LDLRAD3: variants seen among roughly 807,000 people sequenced by gnomAD.
LDLRAD3 encodes the protein low-density lipoprotein receptor class A domain-containing protein 3.
A neutral mutation model predicts 29.4 loss-of-function variants in LDLRAD3; 20 were observed. The ratio of observed to expected loss-of-function variants is 0.68; its 90% CI spans 0.48 to 0.99. The LOEUF is 0.99. LDLRAD3 is among the 50% of genes least tolerant of loss of function. The probability of loss-of-function intolerance (pLI) is 0.00; values close to 1 mark genes in which losing one functional copy is unlikely to be tolerated. For missense variants in LDLRAD3, 420 were observed against 454.3 expected (o/e 0.92, Z 0.69); for synonymous variants, 157 against 192.7 (o/e 0.81, Z 1.53).
intron 1 of LDLRAD3, among the ~76,000 whole-genome samples, chr11:35,981,871 G>T (rs1851546788): frequency 6.6e-6 from 1 of 152,186 alleles, no homozygotes; most frequent in Admixed American, 6.5e-5. Context: ...TGTTAGAAAA[G>T]CTGTATTTTC....
At position 35,947,985 on chromosome 11, in the gene LDLRAD3, A is replaced by G. The variant is rs181517203; in HGVS notation, c.46+3841A>G. 5.3e-5 allele frequency among the ~76,000 whole-genome samples: 8 copies of G among 152,268 alleles called. 1 individual carries two copies. The South Asian group carries it at 1.7e-3, about 32-fold the overall frequency. Reference sequence around the variant, plus strand: ...TGTTCATGGTAAATACATAAAATACATCTCAATCCTTATGTGAAGATGAAA... The same window carrying G: ...TGTTCATGGTAAATACATAAAATACGTCTCAATCCTTATGTGAAGATGAAA... On this transcript the variant is annotated intron_variant, in intron 1 of 5. Coordinates refer to ENST00000315571, the MANE Select transcript of LDLRAD3 (RefSeq NM_174902.4).
At chr11:36,080,748 G>T (rs556721101) in intron 2 of LDLRAD3, among the ~76,000 whole-genome samples, 1 of 152,274 alleles carries the variant, frequency 6.6e-6, no homozygotes, top group East Asian at 1.9e-4. Flanking sequence ...ACAGGTAAAA[G>T]ACGAATGGAA....
intron 2 of LDLRAD3, among the ~76,000 whole-genome samples, chr11:36,068,698 A>G (rs1227692664): frequency 6.6e-6 from 1 of 152,100 alleles, no homozygotes; most frequent in Non-Finnish European, 1.5e-5. Flanking sequence ...TTGTATTTTT[A>G]GTAGAGATGG....
chr11:36,215,877 C>A lies in LDLRAD3; in HGVS notation c.455-11208C>A, dbSNP rs148115474. On this transcript the variant is annotated intron_variant, in intron 4 of 5. Coordinates refer to ENST00000315571, the MANE Select transcript of LDLRAD3 (RefSeq NM_174902.4). ...TAAAGTTTCACAGGCAGGAGTAGCA[C>A]CGATGAACTGATTATGCAAGGGGCC... Among the ~76,000 whole-genome samples, 344 of 152,274 alleles carry A rather than the reference C, an allele frequency of 2.3e-3. 2 individuals are homozygous for A. Among genetic ancestry groups the A allele is most frequent in the Non-Finnish European group, 3.5e-3 (235 of 68,014 alleles).
At chr11:35,947,804 A>G (rs1851076695) in intron 1 of LDLRAD3, among the ~76,000 whole-genome samples, 1 of 152,170 alleles carries the variant, frequency 6.6e-6, no homozygotes, top group Admixed American at 6.5e-5. Flanking sequence ...GGCTTCCTGC[A>G]CCATGCTTCC....
intron 1 of LDLRAD3, among the ~76,000 whole-genome samples, chr11:36,032,430 C>T (rs1477457034): frequency 4.6e-5 from 7 of 152,082 alleles, no homozygotes; most frequent in Admixed American, 4.6e-4. Context: ...ACACGGAGAA[C>T]CCATCAGTGC....
rs1399982062 is a variant in LDLRAD3, at chr11:36,195,180, ATCT to A, written c.455-31902_455-31900del. Reference sequence around the variant, plus strand: ...AATGTTAGCCACGGCTGCTATCATCATCTTCATCATCATCATTACCATCATTAG... The same window carrying A: ...AATGTTAGCCACGGCTGCTATCATCATCATCATCATCATTACCATCATTAG... On this transcript the variant is annotated intron_variant, in intron 4 of 5. Transcript: ENST00000315571. Among the ~76,000 whole-genome samples, 3 of 152,354 alleles carry A rather than the reference ATCT, an allele frequency of 2.0e-5. No homozygotes were observed. The East Asian group carries it at 5.8e-4, about 29-fold the overall frequency.
At chr11:36,076,551 A>G (rs1853010953) in intron 2 of LDLRAD3, among the ~76,000 whole-genome samples, 1 of 152,046 alleles carries the variant, frequency 6.6e-6, no homozygotes, top group African/African-American at 2.4e-5. Flanking sequence ...ACGCCCGGCT[A>G]ATTTTTTTGT....
At chr11:35,999,787 G>T (rs923140902) in intron 1 of LDLRAD3, among the ~76,000 whole-genome samples, 1 of 152,174 alleles carries the variant, frequency 6.6e-6, no homozygotes, top group African/African-American at 2.4e-5. Context: ...AGCCATGGCA[G>T]GGTCCTCCCC....
intron 4 of LDLRAD3, among the ~76,000 whole-genome samples, chr11:36,186,355 A>T (rs116809772): frequency 1.4e-4 from 21 of 152,226 alleles, no homozygotes; most frequent in Non-Finnish European, 2.6e-4. Flanking sequence ...ACTACGGTAT[A>T]TGCAGTTGCC....
At chr11:36,174,624 T>C (rs1324335667) in intron 4 of LDLRAD3, among the ~76,000 whole-genome samples, 1 of 152,292 alleles carries the variant, frequency 6.6e-6, no homozygotes, top group Admixed American at 6.5e-5. Context: ...ATGCTTGTCA[T>C]CACTGGCCAT....
At chr11:36,103,012 A>C (rs1417953566) in intron 4 of LDLRAD3, among the ~76,000 whole-genome samples, 2 of 152,066 alleles carry the variant, frequency 1.3e-5, no homozygotes, top group Non-Finnish European at 2.9e-5. Flanking sequence ...TATCATTTTA[A>C]CCGTTTGTAA....
At chr11:36,086,202 T>G (rs1457992452) in intron 3 of LDLRAD3, among the ~76,000 whole-genome samples, 1 of 152,238 alleles carries the variant, frequency 6.6e-6, no homozygotes, top group Non-Finnish European at 1.5e-5. Context: ...ATGTAATAGC[T>G]GCTATAAAAT....
chr11:36,105,492 G>A (rs7928825), intron 4 of LDLRAD3, among the ~76,000 whole-genome samples: 49,465 of 151,898 alleles, frequency 0.33, 8,620 homozygotes, highest in Non-Finnish European at 0.39. Context: ...GACCTTATTT[G>A]GAAATAGGGT....
intron 4 of LDLRAD3, among the ~76,000 whole-genome samples, chr11:36,128,553 GA>G (rs1454830637): frequency 1.3e-5 from 2 of 152,050 alleles, no homozygotes; most frequent in East Asian, 3.9e-4. Context: ...TTTTTAATCA[GA>G]AAAACCACTC....
intron 1 of LDLRAD3, among the ~76,000 whole-genome samples, chr11:35,983,821 C>T (rs1477502872): frequency 6.6e-6 from 1 of 151,944 alleles, no homozygotes; most frequent in Non-Finnish European, 1.5e-5. Flanking sequence ...CACGGGGTTT[C>T]ACCACGTTGG....
At chr11:36,225,751 G>A (rs1256550337) in intron 4 of LDLRAD3, among the ~76,000 whole-genome samples, 2 of 152,024 alleles carry the variant, frequency 1.3e-5, no homozygotes, top group African/African-American at 4.8e-5. Context: ...CCATGGAGTT[G>A]TTATGAGGCA....
intron 4 of LDLRAD3, among the ~76,000 whole-genome samples, chr11:36,138,713 G>A (rs1223893258): frequency 2.6e-5 from 4 of 152,242 alleles, no homozygotes; most frequent in Non-Finnish European, 5.9e-5. Context: ...TGGTTTAGAA[G>A]ATGGCAGTTG....
At chr11:36,228,475 C>T (rs750557924) in intron 5 of LDLRAD3, among the ~76,000 whole-genome samples, 2 of 152,174 alleles carry the variant, frequency 1.3e-5, no homozygotes, top group Admixed American at 1.3e-4. Flanking sequence ...ATTTCTGATG[C>T]TGGGCCAGAC....
Sources: gnomAD v4.1 joint callset for allele counts (sites outside exome capture counted in the v4.1 genomes callset) on GRCh38, gnomAD v4.1.1 for gene constraint, MANE v1.5 for transcripts, NCBI Gene and HGNC (gene_info 2026-07-23, HGNC 2026-07-21) for gene names.